CEP44: variants seen among roughly 807,000 people sequenced by gnomAD.
CEP44 encodes the protein centrosomal protein 44.
CEP44 carries 45 observed loss-of-function variants against 46.7 expected under a neutral mutation model. The observed-to-expected ratio is 0.96, with a 90% confidence interval of 0.76 to 1.24. The LOEUF is 1.24. Among genes scored for constraint, CEP44 ranks in the 50% most tolerant of loss-of-function variants. The pLI, the probability that CEP44 is intolerant of heterozygous loss-of-function variation, is 0.00. For synonymous variants in CEP44, 142 were observed against 146.0 expected (o/e 0.97, Z 0.20); for missense variants, 475 against 459.7 (o/e 1.03, Z -0.30).
chr4:174,325,841 A>G lies in CEP44; in HGVS notation c.1087-5641A>G, dbSNP rs538064910. 3.3e-5 allele frequency among the ~76,000 whole-genome samples: 5 copies of G among 152,264 alleles called. No homozygotes were observed. In the East Asian group the frequency reaches 5.8e-4, roughly 18 times the overall value. ...TTCTTATTATGAGTTGGCCCTCTTT[A>G]TCTCTGGTAATATTCTCTCCTGATA... On this transcript the variant is annotated intron_variant, in intron 8 of 8. Coordinates refer to the CEP44 transcript ENST00000426172. This position sits in a 1 kb window ranked among gnomAD's most constrained non-coding sequence, Gnocchi z 4.4.
intron 1 of CEP44, among the ~76,000 whole-genome samples, chr4:174,295,813 G>T (rs1361924100): frequency 6.6e-6 from 1 of 152,210 alleles, no homozygotes; most frequent in Admixed American, 6.5e-5. Context: ...TTTTTTAATT[G>T]TATTGTTTGT....
chr4:174,302,709 A>T (rs1739874995), intron 4 of CEP44, among the ~76,000 whole-genome samples: 1 of 151,236 alleles, frequency 6.6e-6, no homozygotes. Flanking sequence ...TTTATCATTA[A>T]TTTTTGCTTA....
Position 174,314,586 on chromosome 4 carries a change from A to T in CEP44, c.962-1580A>T, listed in dbSNP as rs1741445246. Among the ~76,000 whole-genome samples, 1 of 152,148 alleles carries T rather than the reference A, an allele frequency of 6.6e-6. No individual in the cohort carries two copies. The highest frequency in any genetic ancestry group is 1.5e-5 in the Non-Finnish European group (1 of 68,028). Reference sequence around the variant, plus strand: ...GGACCCCAAAATGGAAGACAAAGAGAGCCATTCCTTCACCCTTTATCTGTC... The same window carrying T: ...GGACCCCAAAATGGAAGACAAAGAGTGCCATTCCTTCACCCTTTATCTGTC... On this transcript the variant is annotated intron_variant, in intron 9 of 11. Coordinates refer to ENST00000503780, the MANE Select transcript of CEP44 (RefSeq NM_001040157.3). The surrounding 1 kb of genome is among the most constrained non-coding windows in gnomAD (Gnocchi z 4.1).
At chr4:174,324,966 T>C (rs550521823), downstream of CEP44, among the ~76,000 whole-genome samples, 6 of 152,174 alleles carry the variant, frequency 3.9e-5, no homozygotes, top group South Asian at 2.1e-4. Context: ...TAAGCTGTTA[T>C]CAGTTTCATC....
At chr4:174,327,947 T>A (rs1020447530) in intron 8 of CEP44, among the ~76,000 whole-genome samples, 1 of 152,108 alleles carries the variant, frequency 6.6e-6, no homozygotes, top group Non-Finnish European at 1.5e-5. Context: ...GTAAAGGAGA[T>A]TTATCTTTAT....
At chr4:174,325,077 TG>T (rs1277641896), downstream of CEP44, among the ~76,000 whole-genome samples, 1 of 152,176 alleles carries the variant, frequency 6.6e-6, no homozygotes, top group Admixed American at 6.6e-5. This position sits in a 1 kb window ranked among gnomAD's most constrained non-coding sequence, Gnocchi z 4.4. Flanking sequence ...CAGTGTGTAA[TG>T]GTCTCTCATC....
chr4:174,290,669 A>G lies in CEP44; in HGVS notation c.-148+6726A>G, dbSNP rs1182339258. On this transcript the variant is annotated intron_variant, in intron 1 of 11. Coordinates refer to ENST00000503780, the MANE Select transcript of CEP44 (RefSeq NM_001040157.3). This position sits in a 1 kb window ranked among gnomAD's most constrained non-coding sequence, Gnocchi z 4.3. Reference sequence around the variant, plus strand: ...CTCCTTCTGTATTGTATTGATATCTATTTCTTCCTCCAATTCTATCAATAT... The same window carrying G: ...CTCCTTCTGTATTGTATTGATATCTGTTTCTTCCTCCAATTCTATCAATAT... Among the ~76,000 whole-genome samples, 2 of 151,796 alleles carry G rather than the reference A, an allele frequency of 1.3e-5. No individual in the cohort carries two copies. Among genetic ancestry groups the G allele is most frequent in the African/African-American group, 4.8e-5 (2 of 41,300 alleles).
In CEP44 at chr4:174,312,079, G is replaced by A. The variant is rs1437577468; in HGVS notation, c.961+1221G>A. ...CTGTCTAGCACACAGAAAGTATGTC[G>A]GTGCTTTTATCACCAGTATTTGCAT... is the stretch of plus-strand genomic sequence containing the variant. On this transcript the variant is annotated intron_variant, in intron 9 of 11. Coordinates refer to ENST00000503780, the MANE Select transcript of CEP44 (RefSeq NM_001040157.3). This position sits in a 1 kb window ranked among gnomAD's most constrained non-coding sequence, Gnocchi z 4.5. 6.6e-6 allele frequency among the ~76,000 whole-genome samples: 1 copy of A among 151,996 alleles called. No homozygotes were observed. Among genetic ancestry groups the A allele is most frequent in the African/African-American group, 2.4e-5 (1 of 41,396 alleles).
chr4:174,298,171 T>TTA (rs1739278557), intron 2 of CEP44, 109 bp downstream of exon 2: 1 of 20,488 alleles, frequency 4.9e-5, no homozygotes, highest in Non-Finnish European at 1.1e-4. Context: ...GTATATATGA[T>TTA]TTTTTTTTTT....
chr4:174,333,295 A>G (rs913278638), exon 9 of CEP44: 24 of 147,640 alleles, frequency 1.6e-4, no homozygotes, highest in African/African-American at 5.5e-4. Flanking sequence ...TTTATCTAGT[A>G]TGCATACCTT....
At chr4:174,328,323 G>C (rs1731112829) in intron 8 of CEP44, among the ~76,000 whole-genome samples, 1 of 152,228 alleles carries the variant, frequency 6.6e-6, no homozygotes, top group Non-Finnish European at 1.5e-5. Context: ...TTGAGTAGAT[G>C]ATGGTTACCT....
At position 174,318,713 on chromosome 4, in the gene CEP44, TATATG is replaced by T. The variant is rs1742006434; in HGVS notation, c.*1332_*1336del. 1 of 720,238 alleles carries T rather than the reference TATATG, an allele frequency of 1.4e-6. No individual in the cohort carries two copies. The allele number at this position is 720,238 out of a possible 1,614,324, so 44.6% of individuals were successfully genotyped here. A position where few individuals can be genotyped will look rare whatever the true frequency, so the allele number is the denominator to read the frequency against. ...TACACTGTCAAATATAAAATATTGT[TATATG>T]AGTAGAAATCACTTAAATTTTTTTT... On this transcript the variant is annotated 3_prime_UTR_variant, in exon 12 of 12. Transcript: ENST00000503780.
intron 1 of CEP44, among the ~76,000 whole-genome samples, chr4:174,294,759 A>AC (rs1296108146): frequency 9.6e-6 from 1 of 104,138 alleles, no homozygotes; most frequent in Non-Finnish European, 2.0e-5. Flanking sequence ...CGGGGGGCTG[A>AC]CCCCCCCACC....
chr4:174,302,531 A>G (rs1444383225), intron 4 of CEP44, among the ~76,000 whole-genome samples: 3 of 152,170 alleles, frequency 2.0e-5, no homozygotes, highest in East Asian at 3.9e-4. Context: ...TTATATGTTA[A>G]TTTAGTTGTT....
At chr4:174,308,609 C>A in intron 6 of CEP44, 80 bp from the exon 7 acceptor site, 1 of 1,373,898 alleles carries the variant, frequency 7.3e-7, no homozygotes, top group Non-Finnish European at 1.0e-6. Context: ...GCACATGGAC[C>A]CCTGAACTTA....
At position 174,316,284 on chromosome 4, in the gene CEP44, T is replaced by C. The variant is rs199899712; in HGVS notation, c.1080T>C (p.Ile360=). The C allele has an allele frequency of 1.2e-6, 2 of 1,610,008 alleles. No homozygotes were observed. The highest frequency in any genetic ancestry group is 2.7e-5 in the African/African-American group (2 of 74,922). Residue 360 remains isoleucine (I), a synonymous_variant, in exon 10 of 12, where the codon ATT becomes ATC. Transcript: ENST00000503780. ...TTAATTACTGTGGTTTGAATGAGAT[T>C]TCAGAGGTAAGAAAATGCTTAGATT... The part of the protein sequence containing the change: ...STVNYCGLNE[I]SEETTIQKME...
intron 6 of CEP44, 27 bp downstream of exon 6, chr4:174,304,396 ATTGT>A (rs1740140711): frequency 6.2e-7 from 1 of 1,600,218 alleles, no homozygotes. Context: ...AAAATATCAT[ATTGT>A]TTAAGAGTTA....
In CEP44 at chr4:174,330,226, C is replaced by T. The variant is rs1017126857; in HGVS notation, c.1087-1256C>T. On this transcript the variant is annotated intron_variant, in intron 8 of 8. Coordinates refer to the CEP44 transcript ENST00000426172. ...AAGATTGGCTGGGTGCAGTGGCTCA[C>T]GCCTGTAATCCCAGCACTTTGGGAG... Among the ~76,000 whole-genome samples the T allele has an allele frequency of 2.0e-5, 3 of 152,092 alleles. No homozygotes were observed. The South Asian group carries it at 6.2e-4, about 31-fold the overall frequency.
chr4:174,313,746 A>G (rs1741355222), intron 9 of CEP44, among the ~76,000 whole-genome samples: 1 of 152,158 alleles, frequency 6.6e-6, no homozygotes, highest in Admixed American at 6.6e-5. Context: ...GTTAAAATTG[A>G]TATGCCTTGA....
Sources: allele counts gnomAD v4.1 joint callset (sites outside exome capture counted in the v4.1 genomes callset), GRCh38; gene constraint gnomAD v4.1.1; non-coding constraint Gnocchi (gnomAD v3.1); transcripts MANE v1.5; gene names NCBI Gene and HGNC (gene_info 2026-07-23, HGNC 2026-07-21).